ADCY4: variants seen among roughly 807,000 people sequenced by gnomAD.
The protein encoded by ADCY4 is adenylate cyclase 4.
A neutral mutation model predicts 125.5 loss-of-function variants in ADCY4; 111 were observed. The ratio of observed to expected loss-of-function variants is 0.88; its 90% confidence interval spans 0.76 to 1.04. ADCY4 has a LOEUF of 1.04. Among genes scored for constraint, ADCY4 ranks in the 50% least tolerant of loss-of-function variants. The pLI is 0.00. For missense variants in ADCY4, 1,256 were observed against 1,382.9 expected, an observed-to-expected ratio of 0.91 and a Z score of 1.46; for synonymous variants, 576 against 586.9, an observed-to-expected ratio of 0.98 and a Z score of 0.27.
At position 24,319,033 on chromosome 14, in the gene ADCY4, T is replaced by C; in HGVS notation, c.2956+65A>G. ...AACTGGGAGCAGCTAACAAAGGACT[T>C]GGAGTGGGGCAAGCTCAGGAAGGTG... On this transcript the variant is annotated intron_variant, in intron 23 of 24. Transcript: ENST00000418030. The surrounding 1 kb of genome is among the most constrained non-coding windows in gnomAD (Gnocchi z 4.5). 9 of 1,575,946 alleles carry C rather than the reference T, an allele frequency of 5.7e-6. No homozygotes were observed. In the South Asian group the frequency reaches 7.9e-5, roughly 14 times the overall value.
rs981326383 is a variant in ADCY4 at position 24,325,533 on chromosome 14, G to T, written c.1726-59C>A. On this transcript the variant is annotated intron_variant, in intron 13 of 24. Coordinates refer to ENST00000418030, the MANE Select transcript of ADCY4 (RefSeq NM_001198568.2). Reference sequence around the variant, plus strand: ...TCCAGTGCTACCCATCACCTTGAAGGCATCACTCCCAGGCAAGGGGTGGGC... The same window carrying T: ...TCCAGTGCTACCCATCACCTTGAAGTCATCACTCCCAGGCAAGGGGTGGGC... 6.8e-6 allele frequency: 10 copies of T among 1,460,396 alleles called. No individual in the cohort carries two copies. In the African/African-American group the frequency reaches 8.5e-5, roughly 12 times the overall value. 90.5% of individuals were successfully genotyped at this position (1,460,396 alleles called of 1,614,324 possible). A position where few individuals can be genotyped will look rare whatever the true frequency, so the allele number is the denominator to read the frequency against.
chr14:24,328,234 G>GC (rs201671959), intron 10 of ADCY4, among the ~76,000 whole-genome samples: 5 of 120,808 alleles, frequency 4.1e-5, no homozygotes, highest in African/African-American at 1.4e-4. Context: ...AGCGGGGTGG[G>GC]GGGGGGGGTC....
At chr14:24,329,628 A>T in intron 8 of ADCY4, 95 bp from the exon 9 acceptor site, 1 of 1,466,914 alleles carries the variant, frequency 6.8e-7, no homozygotes, top group Non-Finnish European at 9.0e-7. Flanking sequence ...ACTGACAAAC[A>T]TCTCATGTCT....
Position 24,318,588 on chromosome 14 carries a change from A to G in ADCY4, c.3082-20T>C. The G allele has an allele frequency of 6.2e-7, 1 of 1,614,078 alleles. No homozygotes were observed. Among genetic ancestry groups the G allele is most frequent in the Non-Finnish European group, 8.5e-7 (1 of 1,179,986 alleles). ...AGTCACCTACAATTGGAGGGGGGCG[A>G]GGGAATATGGAGGTGGCCCTATTCT... On this transcript the variant is annotated intron_variant, in intron 24 of 24. Coordinates refer to ENST00000418030, the MANE Select transcript of ADCY4 (RefSeq NM_001198568.2).
chr14:24,324,691 T>C (rs12435732), intron 14 of ADCY4, among the ~76,000 whole-genome samples: 142,524 of 152,050 alleles, frequency 0.94, 67,502 homozygotes, highest in East Asian at 1. Context: ...GCTCTTTAAC[T>C]TGGCTGAGTT....
intron 1 of ADCY4, among the ~76,000 whole-genome samples, chr14:24,334,237 C>T (rs145589864): frequency 6.6e-6 from 1 of 152,224 alleles, no homozygotes; most frequent in African/African-American, 2.4e-5. Flanking sequence ...TTGTAGAACC[C>T]GTAGACCACG....
chr14:24,322,285 T>G, intron 19 of ADCY4, 61 bp from the exon 20 acceptor site: 1 of 1,550,536 alleles, frequency 6.4e-7, no homozygotes, highest in Non-Finnish European at 8.7e-7. Flanking sequence ...AGCTCCTGAG[T>G]GTTCAGCCCC....
At chr14:24,332,214 C>CT in intron 3 of ADCY4, 1 of 465,132 alleles carries the variant, frequency 2.1e-6, no homozygotes, top group Non-Finnish European at 3.7e-6. Flanking sequence ...TCCACTGTCG[C>CT]TACCCACTCC....
At chr14:24,332,495 C>A (rs1215645397) in intron 3 of ADCY4, 27 bp downstream of exon 3, 1 of 1,551,554 alleles carries the variant, frequency 6.4e-7, no homozygotes, top group Non-Finnish European at 8.7e-7. Context: ...CCGTCCTGAG[C>A]GCAGCCTGTG....
Position 24,323,346 on chromosome 14 carries a change from G to T in ADCY4, c.2155C>A (p.Pro719Thr), listed in dbSNP as rs1209934287. Reference protein sequence around the residue: ...LPGSLPLISVPYSMHCCTLGF... With the variant: ...LPGSLPLISVTYSMHCCTLGF... Reference sequence around the variant, plus strand: ...TAAGGGCATGTGGGAACACTCACTGGGACACTGATGAGAGGCAGAGACCCA... The same window carrying T: ...TAAGGGCATGTGGGAACACTCACTGTGACACTGATGAGAGGCAGAGACCCA... The change falls in exon 17 of 25, where the codon CCA (proline) becomes ACA (threonine). Residue 719 changes from proline to threonine, a missense_variant and splice_region_variant. Coordinates refer to ENST00000418030, the MANE Select transcript of ADCY4 (RefSeq NM_001198568.2). 3 of 1,550,928 alleles carry T rather than the reference G, an allele frequency of 1.9e-6. No individual in the cohort carries two copies. The highest frequency in any genetic ancestry group is 2.6e-6 in the Non-Finnish European group (3 of 1,145,414).
chr14:24,331,907 C>A lies in ADCY4; in HGVS notation c.550G>T (p.Gly184Trp), dbSNP rs1299261606. The change falls in exon 4 of 25, where the codon GGG becomes TGG. Residue 184 changes from glycine (G) to tryptophan (W), a missense_variant. By Grantham distance (184) the Gly-to-Trp change is radical. Coordinates refer to ENST00000418030, the MANE Select transcript of ADCY4 (RefSeq NM_001198568.2). Reference protein sequence around the residue: ...LAANAVLFLCGNVAGVYHKAL... With the variant: ...LAANAVLFLCWNVAGVYHKAL... ...TTGTGGTACACTCCTGCCACGTTCC[C>A]GCACAGGAACAGCACTGCGTTTGCT... 2 of 1,579,638 alleles carry A rather than the reference C, an allele frequency of 1.3e-6. No homozygotes were observed. The highest frequency in any genetic ancestry group is 1.7e-6 in the Non-Finnish European group (2 of 1,155,232).
intron 3 of ADCY4, 105 bp from the exon 4 acceptor site, chr14:24,332,042 A>T: frequency 3.0e-6 from 4 of 1,341,852 alleles, no homozygotes; most frequent in Admixed American, 3.3e-5. Context: ...CTTTACAGTG[A>T]GGGACCTAAC....
intron 4 of ADCY4, 79 bp from the exon 5 acceptor site, chr14:24,331,435 C>T: frequency 1.3e-6 from 2 of 1,576,364 alleles, no homozygotes; most frequent in Non-Finnish European, 1.7e-6. Flanking sequence ...ACTCAGGAGC[C>T]CACACTGCCC....
In ADCY4 at chr14:24,331,268, G is replaced by A; in HGVS notation, c.758C>T (p.Ser253Leu). Reference protein sequence around the residue: ...IMARLQAGQGSRPESTNNFHS... With the variant: ...IMARLQAGQGLRPESTNNFHS... ...GAAATTGTTAGTGCTCTCTGGCCGT[G>A]ACCCCTGTCCTGCCTGCAGCCGTGC... The change falls in exon 5 of 25, where the codon TCA becomes TTA. Residue 253 changes from serine to leucine, a missense_variant. Physicochemically the swap from Ser to Leu is moderately radical, Grantham distance 145. Coordinates refer to ENST00000418030, the MANE Select transcript of ADCY4 (RefSeq NM_001198568.2). The A allele has an allele frequency of 6.2e-7, 1 of 1,614,174 alleles. No individual in the cohort carries two copies. The highest frequency in any genetic ancestry group is 8.5e-7 in the Non-Finnish European group (1 of 1,180,038).
rs1249164371 is a variant in ADCY4 at position 24,332,868 on chromosome 14, C to A, written c.280G>T (p.Gly94Cys). 6.2e-7 allele frequency: 1 copy of A among 1,605,422 alleles called. No homozygotes were observed. The highest frequency in any genetic ancestry group is 8.5e-7 in the Non-Finnish European group (1 of 1,176,180). ...GCTAGCAGCGCGACCCATACCAAGC[C>A]GGACAGGGGACGCGTCCAGCGCTGC... ...RLQRWTRPLS[G>C]LVWVALLALG... Residue 94 changes from glycine (G) to cysteine (C), a missense_variant, in exon 2 of 25, where the codon GGC becomes TGC. By Grantham distance (159) the Gly-to-Cys change is radical (BLOSUM62 -3). Transcript: ENST00000418030.
chr14:24,330,914 T>C, intron 6 of ADCY4, 104 bp downstream of exon 6: 1 of 1,015,270 alleles, frequency 9.8e-7, no homozygotes, highest in Non-Finnish European at 1.4e-6. Context: ...CTGCATGCAC[T>C]GAAGTGGGCC....
chr14:24,322,194 A>C lies in ADCY4; in HGVS notation c.2458T>G (p.Trp820Gly). Residue 820 changes from tryptophan (W) to glycine (G), a missense_variant, in exon 20 of 25, where the codon TGG becomes GGG. Trp to Gly is a radical substitution (Grantham distance 184). Coordinates refer to ENST00000418030, the MANE Select transcript of ADCY4 (RefSeq NM_001198568.2). ...NEYYCRLDFL[W>G]KKKLRQEREE... Reference sequence around the variant, plus strand: ...CTCTCCTGCCTCAGCTTCTTCTTCCACAGGAAGTCCAGGCGGCAGTAGTAC... The same window carrying C: ...CTCTCCTGCCTCAGCTTCTTCTTCCCCAGGAAGTCCAGGCGGCAGTAGTAC... 2 of 1,613,936 alleles carry C rather than the reference A, an allele frequency of 1.2e-6. No homozygotes were observed. Among genetic ancestry groups the C allele is most frequent in the Non-Finnish European group, 1.7e-6 (2 of 1,179,914 alleles).
At chr14:24,330,493 T>C (rs2042024624) in intron 6 of ADCY4, 198 bp from the exon 7 acceptor site, 6 of 711,418 alleles carry the variant, frequency 8.4e-6, no homozygotes, top group Non-Finnish European at 1.3e-5. Context: ...CTCAGAAGAG[T>C]TTCCCCAAGG....
At chr14:24,331,163 G>T (rs990737419) in intron 5 of ADCY4, 34 bp from the exon 6 acceptor site, 10 of 1,613,470 alleles carry the variant, frequency 6.2e-6, no homozygotes, top group Non-Finnish European at 7.6e-6. Context: ...CAGGGCCAGG[G>T]TCTTAGCCCA....
Sources: allele counts gnomAD v4.1 joint callset (sites outside exome capture counted in the v4.1 genomes callset), GRCh38; gene constraint gnomAD v4.1.1; non-coding constraint Gnocchi (gnomAD v3.1); transcripts MANE v1.5; gene names NCBI Gene and HGNC (gene_info 2026-07-23, HGNC 2026-07-21).